Variants in CMIP observed in about 807,000 individuals in gnomAD.
CMIP encodes the protein c-Maf inducing protein.
In CMIP, 13 loss-of-function variants were observed where a neutral mutation model predicts 97.3. The ratio of observed to expected loss-of-function variants is 0.13; its 90% CI spans 0.09 to 0.21. The LOEUF is 0.21. Ranked by LOEUF, CMIP falls within the 10% of genes least tolerant of loss-of-function variation. The probability of loss-of-function intolerance (pLI) is 1.00; values close to 1 mark genes in which losing one functional copy is unlikely to be tolerated. For missense variants in CMIP, 847 were observed against 1,024.9 expected (o/e 0.83, Z 2.37); for synonymous variants, 538 against 436.3 (o/e 1.23, Z -2.91).
intron 1 of CMIP, among the ~76,000 whole-genome samples, chr16:81,560,292 C>T (rs1414632532): frequency 1.3e-5 from 2 of 151,020 alleles, no homozygotes; most frequent in African/African-American, 2.4e-5. Flanking sequence ...AATCTCGGCT[C>T]GCTGCAAGCT....
chr16:81,486,236 G>A (rs888430869), intron 1 of CMIP, among the ~76,000 whole-genome samples: 1 of 152,232 alleles, frequency 6.6e-6, no homozygotes, highest in Non-Finnish European at 1.5e-5. Flanking sequence ...AGGTTCCCAA[G>A]AAGTGGCTGT....
chr16:81,592,039 G>T (rs1421021476), intron 1 of CMIP, among the ~76,000 whole-genome samples: 1 of 151,728 alleles, frequency 6.6e-6, no homozygotes, highest in Non-Finnish European at 1.5e-5. Context: ...GCCCTGGCTG[G>T]TCTCAAACTC....
Position 81,453,859 on chromosome 16 carries a change from C to A in CMIP, c.300+8318C>A, listed in dbSNP as rs1258007079. Among the ~76,000 whole-genome samples the A allele has an allele frequency of 6.6e-6, 1 of 152,126 alleles. No individual in the cohort carries two copies. Among genetic ancestry groups the A allele is most frequent in the African/African-American group, 2.4e-5 (1 of 41,406 alleles). ...GCCAAGCCGTTTGTAGATCTGGCCG[C>A]TTGGTTGGCTAGAACTCAGACACAC... On this transcript the variant is annotated intron_variant, in intron 1 of 20. Transcript: ENST00000537098. This position sits in a 1 kb window ranked among gnomAD's most constrained non-coding sequence, Gnocchi z 4.0.
chr16:81,512,488 A>T (rs2150792802), intron 1 of CMIP, among the ~76,000 whole-genome samples: 1 of 152,268 alleles, frequency 6.6e-6, no homozygotes, highest in East Asian at 1.9e-4. Context: ...CATTTGTCAG[A>T]TGGGATCATC....
Position 81,627,684 on chromosome 16 carries a change from C to A in CMIP, c.477+6758C>A, listed in dbSNP as rs2092092998. ...ACAGTTCTGTGGGGTCCACATCCCT[C>A]CCCCATCTCATAGCAGAGGGGACTG... On this transcript the variant is annotated intron_variant, in intron 3 of 20. Transcript: ENST00000537098. This position sits in a 1 kb window ranked among gnomAD's most constrained non-coding sequence, Gnocchi z 4.6. Among the ~76,000 whole-genome samples the A allele has an allele frequency of 6.6e-6, 1 of 152,152 alleles. No individual in the cohort carries two copies. The highest frequency in any genetic ancestry group is 1.5e-5 in the Non-Finnish European group (1 of 68,016).
chr16:81,462,754 G>A (rs1158262160), intron 1 of CMIP, among the ~76,000 whole-genome samples: 1 of 152,214 alleles, frequency 6.6e-6, no homozygotes, highest in Non-Finnish European at 1.5e-5. Context: ...ATAAGGTGTA[G>A]TGCATCACTG....
intron 1 of CMIP, among the ~76,000 whole-genome samples, chr16:81,493,923 G>A (rs2089446431): frequency 1.3e-5 from 2 of 152,216 alleles, no homozygotes; most frequent in Admixed American, 1.3e-4. Context: ...GGCCTCGCCT[G>A]TACACTGGTG....
Position 81,652,305 on chromosome 16 carries a change from C to T in CMIP, c.580C>T (p.Leu194=). 1 of 1,613,974 alleles carries T rather than the reference C, an allele frequency of 6.2e-7. No individual in the cohort carries two copies. Among genetic ancestry groups the T allele is most frequent in the Non-Finnish European group, 8.5e-7 (1 of 1,179,846 alleles). The change falls in exon 4 of 21, where the codon CTG becomes TTG. Residue 194 remains leucine (L), a synonymous_variant. Coordinates refer to ENST00000537098, the MANE Select transcript of CMIP (RefSeq NM_198390.3). The surrounding 1 kb of genome is among the most constrained non-coding windows in gnomAD (Gnocchi z 5.2). ...TLVDMALTSP[L]QDDSINQAPL... ...GGTGGACATGGCCCTGACATCCCCCCTGCAGGATGACTCCATCAACCAGGC... is the reference window on the plus strand; with the variant it reads ...GGTGGACATGGCCCTGACATCCCCCTTGCAGGATGACTCCATCAACCAGGC...
chr16:81,595,882 C>G (rs956919532), intron 1 of CMIP, among the ~76,000 whole-genome samples: 1 of 152,140 alleles, frequency 6.6e-6, no homozygotes, highest in African/African-American at 2.4e-5. Flanking sequence ...TATGTTTTCA[C>G]AACTCTTAGA....
Position 81,516,988 on chromosome 16 carries a change from C to G in CMIP, c.300+71447C>G, listed in dbSNP as rs1425049975. 2.6e-5 allele frequency among the ~76,000 whole-genome samples: 4 copies of G among 151,572 alleles called. No homozygotes were observed. The East Asian group carries it at 7.8e-4, about 29-fold the overall frequency. On this transcript the variant is annotated intron_variant, in intron 1 of 20. Coordinates refer to ENST00000537098, the MANE Select transcript of CMIP (RefSeq NM_198390.3). ...TCTTCAGTGAAAAACCAGAAGGCCT[C>G]CAAGGTCATCAGTGAAACCCAGACG...
chr16:81,592,079 C>T (rs1244605258), intron 1 of CMIP, among the ~76,000 whole-genome samples: 1 of 152,106 alleles, frequency 6.6e-6, no homozygotes, highest in Non-Finnish European at 1.5e-5. Flanking sequence ...CTGCCTTGGC[C>T]TCCCAAAGTG....
In CMIP at chr16:81,699,757, C is replaced by T. The variant is rs779342469; in HGVS notation, c.1711C>T (p.Pro571Ser). The change falls in exon 15 of 21, where the codon CCC (proline) becomes TCC (serine). Residue 571 changes from proline (P) to serine (S), a missense_variant. By Grantham distance (74) the Pro-to-Ser change is moderately conservative (BLOSUM62 -1). Coordinates refer to ENST00000537098, the MANE Select transcript of CMIP (RefSeq NM_198390.3). Reference sequence around the variant, plus strand: ...CTCCCTGGCAGAAAACAAGCTGGGTCCCTGCATGCTCCTGGCACTGAGGGG... The same window carrying T: ...CTCCCTGGCAGAAAACAAGCTGGGTTCCTGCATGCTCCTGGCACTGAGGGG... The part of the protein sequence containing the change: ...LLSLAENKLG[P>S]CMLLALRGNQ... The T allele has an allele frequency of 1.2e-6, 2 of 1,613,554 alleles. No individual in the cohort carries two copies. The highest frequency in any genetic ancestry group is 1.3e-5 in the African/African-American group (1 of 74,902).
At chr16:81,480,237 C>A (rs1908175879) in intron 1 of CMIP, among the ~76,000 whole-genome samples, 1 of 152,148 alleles carries the variant, frequency 6.6e-6, no homozygotes. Flanking sequence ...CAAGCTCTCT[C>A]AGCTTCAAAT....
At chr16:81,578,121 TATCACCATCACCATC>T (rs1169156802) in intron 1 of CMIP, among the ~76,000 whole-genome samples, 1 of 151,546 alleles carries the variant, frequency 6.6e-6, no homozygotes, top group South Asian at 2.1e-4. Flanking sequence ...TTATTATCAC[TATCACCATCACCATC>T]ATCACCATCA....
Position 81,453,019 on chromosome 16 carries a change from A to G in CMIP, c.300+7478A>G, listed in dbSNP as rs1367602007. Among the ~76,000 whole-genome samples the G allele has an allele frequency of 6.6e-6, 1 of 151,790 alleles. No individual in the cohort carries two copies. Among genetic ancestry groups the G allele is most frequent in the Non-Finnish European group, 1.5e-5 (1 of 67,996 alleles). On this transcript the variant is annotated intron_variant, in intron 1 of 20. Coordinates refer to ENST00000537098, the MANE Select transcript of CMIP (RefSeq NM_198390.3). The surrounding 1 kb of genome is among the most constrained non-coding windows in gnomAD (Gnocchi z 4.0). ...TTTGAAAACGCAACTCCCTTTGTCC[A>G]TAACTACACTCTAAGGATCCTAGGA...
rs975231180 is a variant in CMIP at position 81,476,480 on chromosome 16, C to T, written c.300+30939C>T. 6.6e-6 allele frequency: 5 copies of T among 754,774 alleles called. No homozygotes were observed. In the East Asian group the frequency reaches 8.9e-5, roughly 13 times the overall value. The allele number at this position is 754,774 out of a possible 1,614,324, so 46.8% of individuals were successfully genotyped here. On this transcript the variant is annotated intron_variant, in intron 1 of 20. Transcript: ENST00000537098. ...AAGGAGATGCGGCCCAAGGGCTCGC[C>T]GTTGACAGCGATGTCAGAGAACACA...
chr16:81,486,320 G>A (rs1396301447), intron 1 of CMIP, among the ~76,000 whole-genome samples: 3 of 152,098 alleles, frequency 2.0e-5, no homozygotes, highest in Non-Finnish European at 2.9e-5. Context: ...CATCTGTTTC[G>A]TCCATCCACT....
intron 3 of CMIP, among the ~76,000 whole-genome samples, chr16:81,628,460 C>T (rs1379062016): frequency 1.3e-5 from 2 of 152,228 alleles, no homozygotes; most frequent in African/African-American, 4.8e-5. Context: ...ACTTACTCAC[C>T]TTGGTGAATC....
chr16:81,598,836 T>G (rs778966397), intron 1 of CMIP, among the ~76,000 whole-genome samples: 4 of 151,628 alleles, frequency 2.6e-5, no homozygotes, highest in Admixed American at 6.6e-5. Context: ...GGGCGTGGTG[T>G]TGTGTGCCTA....
Sources: allele counts gnomAD v4.1 joint callset (sites outside exome capture counted in the v4.1 genomes callset), GRCh38; gene constraint gnomAD v4.1.1; non-coding constraint Gnocchi (gnomAD v3.1); transcripts MANE v1.5; gene names NCBI Gene and HGNC (gene_info 2026-07-23, HGNC 2026-07-21).